FER: variants seen among roughly 807,000 people sequenced by gnomAD.
The protein encoded by FER is tyrosine-protein kinase Fer.
A neutral mutation model predicts 111.0 loss-of-function variants in FER; 63 were observed. The ratio of observed to expected loss-of-function variants is 0.57; its 90% CI spans 0.46 to 0.70. The LOEUF is 0.70. FER is among the 30% of genes least tolerant of loss of function. The pLI is 0.00. For synonymous variants in FER, 327 were observed against 313.9 expected, an observed-to-expected ratio of 1.04 and a Z score of -0.44; for missense variants, 914 against 954.0, an observed-to-expected ratio of 0.96 and a Z score of 0.55.
At chr5:109,128,448 G>C (rs1429459518) in intron 17 of FER, among the ~76,000 whole-genome samples, 1 of 152,058 alleles carries the variant, frequency 6.6e-6, no homozygotes, top group African/African-American at 2.4e-5. Flanking sequence ...TGTGATTTTA[G>C]ACAGTTGCCT....
intron 6 of FER, among the ~76,000 whole-genome samples, chr5:108,869,593 G>A (rs1245086730): frequency 1.3e-5 from 2 of 152,116 alleles, no homozygotes; most frequent in East Asian, 3.9e-4. Context: ...GCCTTGTGAA[G>A]ACAGAGGCAG....
At chr5:108,759,214 T>C (rs941664991) in intron 1 of FER, among the ~76,000 whole-genome samples, 2 of 152,240 alleles carry the variant, frequency 1.3e-5, no homozygotes, top group African/African-American at 4.8e-5. Flanking sequence ...TCTTAAGTTC[T>C]GCCTGCTGTA....
intron 10 of FER, among the ~76,000 whole-genome samples, chr5:108,926,765 A>T (rs1299881026): frequency 2.0e-5 from 3 of 152,182 alleles, no homozygotes; most frequent in Non-Finnish European, 4.4e-5. Context: ...GATCATAGGA[A>T]GCCTTTGTAT....
chr5:109,155,052 A>G (rs1755221181), intron 17 of FER, among the ~76,000 whole-genome samples: 1 of 151,884 alleles, frequency 6.6e-6, no homozygotes. Context: ...TGGCAAGAGG[A>G]GCCCTAAATA....
At chr5:109,071,782 T>C (rs1275092081) in intron 16 of FER, among the ~76,000 whole-genome samples, 3 of 151,978 alleles carry the variant, frequency 2.0e-5, no homozygotes, top group Non-Finnish European at 4.4e-5. Context: ...AATCTGGACA[T>C]CATGTGTCCA....
chr5:109,068,734 C>G (rs992667502), intron 16 of FER, among the ~76,000 whole-genome samples: 1 of 152,240 alleles, frequency 6.6e-6, no homozygotes, highest in East Asian at 1.9e-4. Flanking sequence ...ATATAATGCT[C>G]AAAGGGTTAA....
intron 2 of FER, among the ~76,000 whole-genome samples, chr5:108,780,037 G>A (rs1449607566): frequency 6.6e-6 from 1 of 152,160 alleles, no homozygotes; most frequent in African/African-American, 2.4e-5. Flanking sequence ...AAATGCTTAT[G>A]TGTTAGATCG....
chr5:109,178,748 A>G (rs1191592384), intron 17 of FER, among the ~76,000 whole-genome samples: 6 of 152,240 alleles, frequency 3.9e-5, no homozygotes, highest in African/African-American at 1.4e-4. Flanking sequence ...GGTAAGTCCT[A>G]CAACTTTGTA....
At chr5:109,171,557 A>G (rs1386648524) in intron 17 of FER, among the ~76,000 whole-genome samples, 1 of 152,210 alleles carries the variant, frequency 6.6e-6, no homozygotes, top group Non-Finnish European at 1.5e-5. Context: ...CTATTCAGTA[A>G]GAAGTGGTTT....
At chr5:108,982,772 C>G (rs558004349) in intron 13 of FER, among the ~76,000 whole-genome samples, 18 of 151,812 alleles carry the variant, frequency 1.2e-4, no homozygotes, top group Admixed American at 2.6e-4. Flanking sequence ...AAATATGTCC[C>G]CAACTCCTAG....
At chr5:108,765,514 G>C (rs1752223424) in intron 1 of FER, among the ~76,000 whole-genome samples, 1 of 151,872 alleles carries the variant, frequency 6.6e-6, no homozygotes, top group Non-Finnish European at 1.5e-5. Flanking sequence ...TGACCTCCTA[G>C]GCTCAAGTGA....
At chr5:109,137,879 A>G (rs542267617) in intron 17 of FER, among the ~76,000 whole-genome samples, 44 of 152,256 alleles carry the variant, frequency 2.9e-4, no homozygotes, top group South Asian at 8.3e-4. Context: ...TTTCTTATGG[A>G]CTTACCCAGA....
At chr5:109,054,016 G>A (rs2093305715) in intron 16 of FER, among the ~76,000 whole-genome samples, 1 of 151,992 alleles carries the variant, frequency 6.6e-6, no homozygotes, top group South Asian at 2.1e-4. Context: ...TGAATATACT[G>A]CAGTTTATCC....
At chr5:108,828,510 G>GT (rs1759707478) in intron 3 of FER, among the ~76,000 whole-genome samples, 1 of 152,034 alleles carries the variant, frequency 6.6e-6, no homozygotes, top group Admixed American at 6.6e-5. Context: ...TCACTTTAAT[G>GT]TTTTGTAGCT....
intron 16 of FER, among the ~76,000 whole-genome samples, chr5:109,089,261 A>G (rs962617384): frequency 2.3e-4 from 35 of 152,176 alleles, no homozygotes; most frequent in African/African-American, 8.0e-4. Flanking sequence ...TTAAAATAGT[A>G]CTGTTGAACC....
intron 16 of FER, among the ~76,000 whole-genome samples, chr5:109,087,127 C>G (rs747117974): frequency 1.3e-5 from 2 of 151,294 alleles, no homozygotes; most frequent in Non-Finnish European, 3.0e-5. Context: ...AGACAAATTT[C>G]AGCCCATAAC....
chr5:109,173,714 A>G (rs950379151), intron 17 of FER, among the ~76,000 whole-genome samples: 1 of 151,904 alleles, frequency 6.6e-6, no homozygotes, highest in African/African-American at 2.4e-5. Context: ...ATCTATTCAA[A>G]TAATTTCTGC....
intron 2 of FER, among the ~76,000 whole-genome samples, chr5:108,793,909 A>G (rs1755689706): frequency 6.6e-6 from 1 of 152,210 alleles, no homozygotes; most frequent in Non-Finnish European, 1.5e-5. Flanking sequence ...AAGAAAACTA[A>G]TGAAAACTCT....
At position 108,819,695 on chromosome 5, in the gene FER, A is replaced by G. The variant is rs1436101242; in HGVS notation, c.208-13075A>G. ...AGCTTTAATAGGAGTCAGGTTGGAA[A>G]GAACTAATGGAGACCATCAATTCCA... On this transcript the variant is annotated intron_variant, in intron 3 of 19. Coordinates refer to ENST00000281092, the MANE Select transcript of FER (RefSeq NM_005246.4). 1.0e-5 allele frequency: 7 copies of G among 677,086 alleles called. No individual in the cohort carries two copies. The African/African-American group carries it at 1.2e-4, about 11-fold the overall frequency. The allele number at this position is 677,086 out of a possible 1,614,324, so 41.9% of individuals were successfully genotyped here.
Sources: gnomAD v4.1 joint callset for allele counts (sites outside exome capture counted in the v4.1 genomes callset) on GRCh38, gnomAD v4.1.1 for gene constraint, MANE v1.5 for transcripts, NCBI Gene and HGNC (gene_info 2026-07-23, HGNC 2026-07-21) for gene names.